LARP7: variants seen among roughly 807,000 people sequenced by gnomAD.
The protein encoded by LARP7 is la-related protein 7.
A neutral mutation model predicts 69.3 loss-of-function variants in LARP7; 52 were observed. That is an observed-to-expected ratio of 0.75 (90% confidence interval 0.60 to 0.95). The LOEUF (loss-of-function observed/expected upper bound fraction) is 0.95. Ranked by LOEUF, LARP7 falls within the 40% of genes least tolerant of loss-of-function variation. The pLI is 0.00. For missense variants in LARP7, 733 were observed against 673.0 expected (o/e 1.09, Z -0.99); for synonymous variants, 254 against 215.9 (o/e 1.18, Z -1.55).
intron 8 of LARP7, chr4:112,648,508 CTTACTT>C (rs2048500028): frequency 1.9e-6 from 1 of 534,426 alleles, no homozygotes; most frequent in South Asian, 1.4e-5. Context: ...CATGGAAGCA[CTTACTT>C]TTAAAGTCAC....
intron 1 of LARP7, among the ~76,000 whole-genome samples, chr4:112,644,104 T>C (rs1485071730): frequency 6.6e-6 from 1 of 151,674 alleles, no homozygotes; most frequent in Non-Finnish European, 1.5e-5. Flanking sequence ...TAGCCGGGCA[T>C]GATGGCATGT....
chr4:112,641,893 A>G (rs1215204612), intron 1 of LARP7, among the ~76,000 whole-genome samples: 2 of 152,216 alleles, frequency 1.3e-5, no homozygotes, highest in Admixed American at 6.5e-5. Flanking sequence ...TTTGTAAAGC[A>G]TCAGCATAAA....
chr4:112,641,118 G>A (rs534923340), intron 1 of LARP7, among the ~76,000 whole-genome samples: 1 of 152,242 alleles, frequency 6.6e-6, no homozygotes, highest in East Asian at 1.9e-4. Flanking sequence ...AGAAACCTCT[G>A]AGCTGGGCGC....
Position 112,647,213 on chromosome 4 carries a change from A to G in LARP7, c.661A>G (p.Lys221Glu). The part of the protein sequence containing the change: ...ALRVVEEKKK[K>E]KKKKGRMKKE... ...CACTTTTACAGAAGAGAAGAAAAAG[A>G]AAAAGAAGAAGAAAGGCCGAATGAA... The change falls in exon 7 of 13, where the codon AAA becomes GAA. Residue 221 changes from lysine to glutamate, a missense_variant. Transcript: ENST00000344442. The G allele has an allele frequency of 6.3e-7, 1 of 1,589,838 alleles. No homozygotes were observed. Among genetic ancestry groups the G allele is most frequent in the South Asian group, 1.2e-5 (1 of 86,046 alleles).
chr4:112,652,292 T>TC (rs1560948702), intron 10 of LARP7, among the ~76,000 whole-genome samples: 12 of 122,790 alleles, frequency 9.8e-5, no homozygotes, highest in African/African-American at 3.8e-4. Context: ...TAAATAAGAT[T>TC]TCCCCCCCCC....
chr4:112,645,626 G>A (rs1171809117), intron 2 of LARP7: 17 of 421,022 alleles, frequency 4.0e-5, no homozygotes, highest in Non-Finnish European at 7.4e-5. Flanking sequence ...CCACCCAAGC[G>A]ATCCTCCATC....
In LARP7 at chr4:112,647,696, A is replaced by T. The variant is rs761645480; in HGVS notation, c.1004A>T (p.Glu335Val). The change falls in exon 8 of 13, where the codon GAA becomes GTA. Residue 335 changes from glutamate (E) to valine (V), a missense_variant. Physicochemically the swap from Glu to Val is moderately radical, Grantham distance 121. Coordinates refer to ENST00000344442, the MANE Select transcript of LARP7 (RefSeq NM_016648.4). ...SEASKENRDI[E>V]ISTEEEKDTG... ...CTTTTTTATTTATTTCAAGATATAG[A>T]AATCTCTACTGAAGAGGAAAAGGAT... is the stretch of plus-strand genomic sequence containing the variant. 4 of 1,522,678 alleles carry T rather than the reference A, an allele frequency of 2.6e-6. No individual in the cohort carries two copies. In the Admixed American group the frequency reaches 8.9e-5, roughly 34 times the overall value. 94.3% of individuals were successfully genotyped at this position (1,522,678 alleles called of 1,614,324 possible).
At chr4:112,648,936 A>G (rs2048554992) in intron 8 of LARP7, among the ~76,000 whole-genome samples, 1 of 150,734 alleles carries the variant, frequency 6.6e-6, no homozygotes, top group South Asian at 2.1e-4. Context: ...AAAAAAAAAA[A>G]GAAAAAGAAA....
chr4:112,653,269 G>C lies in LARP7; in HGVS notation c.1576+33G>C, dbSNP rs201303058. 7.9e-4 allele frequency: 1,159 copies of C among 1,470,828 alleles called. 1 individual carries two copies. The highest frequency in any genetic ancestry group is 9.8e-4 in the Non-Finnish European group (1,072 of 1,093,748). 91.1% of individuals were successfully genotyped at this position (1,470,828 alleles called of 1,614,324 possible). Reference sequence around the variant, plus strand: ...TTCATAGACGTTTCCTTTTTTTTTTGTTATCATCCTTATTGTGAGTAATAT... The same window carrying C: ...TTCATAGACGTTTCCTTTTTTTTTTCTTATCATCCTTATTGTGAGTAATAT... On this transcript the variant is annotated intron_variant, in intron 11 of 12. Transcript: ENST00000344442.
chr4:112,652,545 A>G (rs2048793667), intron 10 of LARP7, among the ~76,000 whole-genome samples: 1 of 152,096 alleles, frequency 6.6e-6, no homozygotes, highest in Admixed American at 6.6e-5. Flanking sequence ...TATTTTTTTC[A>G]GAAAGTAAGA....
intron 8 of LARP7, chr4:112,648,366 C>T (rs375011523): frequency 4.9e-5 from 26 of 534,404 alleles, no homozygotes; most frequent in Non-Finnish European, 1.0e-4. Context: ...GGAGACACCT[C>T]CACTGAAACA....
In LARP7 at chr4:112,657,395, A is replaced by G; in HGVS notation, c.*68A>G. ...AGCTGTTCTTGGGAGATTCACTTTT[A>G]TTATGGTAGCACTGCATAATTAATG... On this transcript the variant is annotated 3_prime_UTR_variant, in exon 13 of 13. Coordinates refer to ENST00000344442, the MANE Select transcript of LARP7 (RefSeq NM_016648.4). The G allele has an allele frequency of 1.4e-6, 1 of 712,214 alleles. No individual in the cohort carries two copies. The allele number at this position is 712,214 out of a possible 1,614,324, so 44.1% of individuals were successfully genotyped here.
chr4:112,646,633 G>A lies in LARP7; in HGVS notation c.349G>A (p.Glu117Lys), dbSNP rs1405683211. ...TRIRRKKPLGERPKDEDERTV... is the reference protein window; with the variant it reads ...TRIRRKKPLGKRPKDEDERTV... ...AATCCGGAGGAAAAAACCTCTGGGG[G>A]AAAGACCAAAGGATGAGGATGAACG... Residue 117 changes from glutamate (E) to lysine (K), a missense_variant, in exon 4 of 13, where the codon GAA becomes AAA. Physicochemically the swap from Glu to Lys is moderately conservative, Grantham distance 56. Transcript: ENST00000344442. 6.2e-7 allele frequency: 1 copy of A among 1,604,866 alleles called. No homozygotes were observed. The highest frequency in any genetic ancestry group is 8.5e-7 in the Non-Finnish European group (1 of 1,175,100).
At chr4:112,651,971 A>C (rs1451593729) in intron 10 of LARP7, among the ~76,000 whole-genome samples, 1 of 151,818 alleles carries the variant, frequency 6.6e-6, no homozygotes, top group African/African-American at 2.4e-5. Context: ...AGAAGTGGGA[A>C]GGACTAGCAA....
intron 11 of LARP7, 149 bp from the exon 12 acceptor site, chr4:112,653,918 AT>A (rs944211243): frequency 3.0e-5 from 18 of 604,310 alleles, no homozygotes; most frequent in Middle Eastern, 4.7e-4. Context: ...AAAACTAACT[AT>A]TTTTTTTCTA....
Position 112,647,413 on chromosome 4 carries a change from A to C in LARP7, c.861A>C (p.Leu287Phe), listed in dbSNP as rs2048353966. ...KKRDRVEASS[L>F]PEVRTGKRKR... ...GGGACAGAGTTGAAGCATCTAGCTT[A>C]CCTGAAGTCAGAACAGGGAAGAGGA... Residue 287 changes from leucine (L) to phenylalanine (F), a missense_variant, in exon 7 of 13, where the codon TTA (leucine) becomes TTC (phenylalanine). Coordinates refer to ENST00000344442, the MANE Select transcript of LARP7 (RefSeq NM_016648.4). 6.2e-7 allele frequency: 1 copy of C among 1,614,078 alleles called. No individual in the cohort carries two copies. The highest frequency in any genetic ancestry group is 8.5e-7 in the Non-Finnish European group (1 of 1,180,000).
Position 112,647,201 on chromosome 4 carries a change from GAGAAGA to G in LARP7, c.651_656del (p.Lys224_Lys225del), listed in dbSNP as rs1357055811. On this transcript the variant is annotated inframe_deletion, in exon 7 of 13. Coordinates refer to ENST00000344442, the MANE Select transcript of LARP7 (RefSeq NM_016648.4). ...TAATAATGATGGCACTTTTACAGAAGAGAAGAAAAAGAAAAAGAAGAAGAAAGGCCG... is the reference window on the plus strand; with the variant it reads ...TAATAATGATGGCACTTTTACAGAAGAAAAGAAAAAGAAGAAGAAAGGCCG... 5 of 1,588,368 alleles carry G rather than the reference GAGAAGA, an allele frequency of 3.1e-6. No homozygotes were observed. The highest frequency in any genetic ancestry group is 1.2e-5 in the South Asian group (1 of 85,684).
intron 2 of LARP7, 110 bp downstream of exon 2, chr4:112,644,981 C>T (rs1166881944): frequency 2.7e-5 from 7 of 262,942 alleles, no homozygotes; most frequent in African/African-American, 1.6e-4. Context: ...GAGTCTTGCT[C>T]TGTTGCCCAG....
At chr4:112,647,938 A>G (rs762822201) in intron 8 of LARP7, 104 bp downstream of exon 8, 2 of 878,366 alleles carry the variant, frequency 2.3e-6, no homozygotes, top group South Asian at 2.6e-5. Flanking sequence ...AGCAACAGTA[A>G]TGGCCTGTAG....
Sources: gnomAD v4.1 joint callset for allele counts (sites outside exome capture counted in the v4.1 genomes callset) on GRCh38, gnomAD v4.1.1 for gene constraint, MANE v1.5 for transcripts, NCBI Gene and HGNC (gene_info 2026-07-23, HGNC 2026-07-21) for gene names.